SLC7A11: variants seen among roughly 807,000 people sequenced by gnomAD.
SLC7A11 encodes the protein solute carrier family 7 member 11.
A neutral mutation model predicts 54.5 loss-of-function variants in SLC7A11; 35 were observed. The ratio of observed to expected loss-of-function variants is 0.64; its 90% CI spans 0.49 to 0.85. The LOEUF (loss-of-function observed/expected upper bound fraction) is 0.85, where lower values mean the gene tolerates loss of function less well. SLC7A11 is among the 40% of genes least tolerant of loss of function. The pLI is 0.00. For missense variants in SLC7A11, 583 were observed against 618.1 expected, an observed-to-expected ratio of 0.94 and a Z score of 0.60; for synonymous variants, 230 against 225.2, an observed-to-expected ratio of 1.02 and a Z score of -0.19.
chr4:138,221,018 T>C (rs1018702179), intron 4 of SLC7A11, among the ~76,000 whole-genome samples: 2 of 152,204 alleles, frequency 1.3e-5, no homozygotes, highest in African/African-American at 2.4e-5. Flanking sequence ...ATTGTGTCCT[T>C]CCAGGAGAAA....
chr4:138,179,095 T>A (rs1736653139), intron 11 of SLC7A11, 122 bp downstream of exon 11: 2 of 662,976 alleles, frequency 3.0e-6, no homozygotes, highest in Non-Finnish European at 5.1e-6. Context: ...TAAAATGCCA[T>A]AATGTTCTCA....
At position 138,201,762 on chromosome 4, in the gene SLC7A11, C is replaced by A. The variant is rs151240709; in HGVS notation, c.791+12823G>T. Among the ~76,000 whole-genome samples, 299 of 152,130 alleles carry A rather than the reference C, an allele frequency of 2.0e-3. 3 individuals carry two copies. The highest frequency in any genetic ancestry group is 6.8e-3 in the African/African-American group (281 of 41,532). On this transcript the variant is annotated intron_variant, in intron 6 of 11. Transcript: ENST00000280612. The stretch of plus-strand genomic sequence containing the variant: ...TGTTTAATACCAATAAAAAGCATAC[C>A]ATTAAATAAGTATCTACTATGAGCA...
intron 2 of SLC7A11, among the ~76,000 whole-genome samples, chr4:138,235,438 C>T (rs1055447412): frequency 2.4e-4 from 37 of 151,670 alleles, no homozygotes; most frequent in African/African-American, 8.9e-4. Flanking sequence ...CACTGTAAAA[C>T]TCATGATTAG....
intron 3 of SLC7A11, 40 bp downstream of exon 3, chr4:138,232,227 G>T: frequency 7.8e-7 from 1 of 1,286,924 alleles, no homozygotes; most frequent in Non-Finnish European, 1.1e-6. Flanking sequence ...TCATTTTTGT[G>T]TTGTTTTTCC....
intron 6 of SLC7A11, 104 bp downstream of exon 6, chr4:138,214,481 G>A: frequency 1.8e-6 from 1 of 559,140 alleles, no homozygotes; most frequent in Non-Finnish European, 3.2e-6. Flanking sequence ...CGATGTTAAG[G>A]TTGACTAGCC....
chr4:138,241,706 C>A, intron 1 of SLC7A11, 87 bp downstream of exon 1: 1 of 1,100,436 alleles, frequency 9.1e-7, no homozygotes, highest in Non-Finnish European at 1.4e-6. Context: ...CATCCATTCA[C>A]TCCTCAAAAA....
Position 138,223,332 on chromosome 4 carries a change from CA to C in SLC7A11, c.521-9del, listed in dbSNP as rs1947686457. On this transcript the variant is annotated splice_polypyrimidine_tract_variant and intron_variant, in intron 3 of 11. Transcript: ENST00000280612. ...TTAGGACCATCACTACAGCTGCAAA[CA>C]AATAGAGGAAGTTACAAAAGGTGAA... The C allele has an allele frequency of 1.2e-6, 2 of 1,611,928 alleles. No individual in the cohort carries two copies. The highest frequency in any genetic ancestry group is 1.7e-6 in the Non-Finnish European group (2 of 1,178,762).
intron 6 of SLC7A11, among the ~76,000 whole-genome samples, chr4:138,185,959 C>T (rs1736866075): frequency 6.6e-6 from 1 of 152,100 alleles, no homozygotes; most frequent in African/African-American, 2.4e-5. Context: ...TCGTGAGTAT[C>T]TAATAATGCA....
intron 4 of SLC7A11, among the ~76,000 whole-genome samples, chr4:138,220,382 T>A (rs1259802214): frequency 6.6e-6 from 1 of 152,034 alleles, no homozygotes; most frequent in African/African-American, 2.4e-5. Flanking sequence ...GCTTGAAAAA[T>A]TGAAAATATT....
intron 6 of SLC7A11, among the ~76,000 whole-genome samples, chr4:138,211,477 G>C (rs1737546829): frequency 6.6e-6 from 1 of 151,810 alleles, no homozygotes; most frequent in Admixed American, 6.6e-5. Context: ...ACAATATGGA[G>C]GCTCTCAAAC....
intron 11 of SLC7A11, chr4:138,175,893 C>A (rs576144957): frequency 1.3e-5 from 2 of 152,230 alleles, no homozygotes; most frequent in East Asian, 3.9e-4. Context: ...TCTACTCATG[C>A]ATTATCAGGG....
intron 3 of SLC7A11, among the ~76,000 whole-genome samples, chr4:138,228,538 C>T (rs1737996598): frequency 6.6e-6 from 1 of 151,866 alleles, no homozygotes; most frequent in Non-Finnish European, 1.5e-5. Context: ...GCGGGCGGCT[C>T]ATGAGGTCAG....
At chr4:138,225,169 T>TAA (rs1387170344) in intron 3 of SLC7A11, among the ~76,000 whole-genome samples, 2 of 133,322 alleles carry the variant, frequency 1.5e-5, no homozygotes, top group South Asian at 2.4e-4. Context: ...TATATATATA[T>TAA]ATAAATAAAA....
chr4:138,230,616 T>C (rs562627374), intron 3 of SLC7A11, among the ~76,000 whole-genome samples: 66 of 152,228 alleles, frequency 4.3e-4, no homozygotes, highest in Non-Finnish European at 6.9e-4. Context: ...AAGCTTCAAT[T>C]CCAGGTTGTT....
intron 6 of SLC7A11, among the ~76,000 whole-genome samples, chr4:138,193,437 G>A (rs1301941708): frequency 6.6e-6 from 1 of 152,126 alleles, no homozygotes; most frequent in East Asian, 1.9e-4. Context: ...TAAAATCACT[G>A]TTCTAGATGC....
chr4:138,167,641 C>G lies in SLC7A11; in HGVS notation c.*4315G>C, dbSNP rs1183358243. The G allele has an allele frequency of 2.0e-5, 3 of 151,912 alleles. No individual in the cohort carries two copies. The highest frequency in any genetic ancestry group is 7.3e-5 in the African/African-American group (3 of 41,346). 9.4% of individuals were successfully genotyped at this position (151,912 alleles called of 1,614,324 possible). A position where few individuals can be genotyped will look rare whatever the true frequency, so the allele number is the denominator to read the frequency against. ...TGTAAACAGAGGCTATCAAGGTGACCCATTATCTACTCTAATTTATATCCA... is the reference window on the plus strand; with the variant it reads ...TGTAAACAGAGGCTATCAAGGTGACGCATTATCTACTCTAATTTATATCCA... On this transcript the variant is annotated 3_prime_UTR_variant, in exon 12 of 12. Coordinates refer to ENST00000280612, the MANE Select transcript of SLC7A11 (RefSeq NM_014331.4).
chr4:138,192,782 A>G (rs937092847), intron 6 of SLC7A11, among the ~76,000 whole-genome samples: 1 of 152,122 alleles, frequency 6.6e-6, no homozygotes, highest in Non-Finnish European at 1.5e-5. Context: ...TTACTTCCCC[A>G]AAACAGAGGA....
intron 11 of SLC7A11, among the ~76,000 whole-genome samples, chr4:138,172,476 C>T (rs1158744296): frequency 2.0e-5 from 3 of 152,150 alleles, no homozygotes; most frequent in African/African-American, 2.4e-5. Context: ...GTTGTCTTAT[C>T]TCCTAGGGCC....
chr4:138,241,649 G>T, intron 1 of SLC7A11, 144 bp downstream of exon 1: 1 of 636,680 alleles, frequency 1.6e-6, no homozygotes, highest in Non-Finnish European at 2.8e-6. Flanking sequence ...CATCTGGGTA[G>T]TTCACGTACC....
Sources: allele counts gnomAD v4.1 joint callset (sites outside exome capture counted in the v4.1 genomes callset), GRCh38; gene constraint gnomAD v4.1.1; transcripts MANE v1.5; gene names NCBI Gene and HGNC (gene_info 2026-07-23, HGNC 2026-07-21).